HTT: variants seen among roughly 807,000 people sequenced by gnomAD.
HTT encodes the protein huntington disease protein.
Under a neutral mutation model 362.3 loss-of-function variants are expected in HTT, and 104 were observed. The observed-to-expected ratio is 0.29, with a 90% CI of 0.24 to 0.34. HTT has a LOEUF of 0.34. HTT is among the 10% of genes least tolerant of loss of function. HTT has a pLI of 1.00. For missense variants in HTT, 3,301 were observed against 3,928.6 expected (o/e 0.84, Z 4.27); for synonymous variants, 1,577 against 1,548.7 (o/e 1.02, Z -0.43).
chr4:3,133,407 G>T (rs912830347), intron 18 of HTT, among the ~76,000 whole-genome samples: 4 of 151,704 alleles, frequency 2.6e-5, no homozygotes, highest in South Asian at 2.1e-4. Flanking sequence ...GTGGAGGGGG[G>T]ATTGCTTGAG....
chr4:3,154,892 A>G (rs933712179), intron 27 of HTT, among the ~76,000 whole-genome samples: 7 of 152,208 alleles, frequency 4.6e-5, no homozygotes, highest in African/African-American at 1.4e-4. Context: ...GAGTTGGAGG[A>G]GCTTAAACCA....
chr4:3,089,393 A>G (rs1713385218), intron 2 of HTT, among the ~76,000 whole-genome samples: 1 of 152,146 alleles, frequency 6.6e-6, no homozygotes. Context: ...AGCTGGGACT[A>G]CAGGCACCCG....
At chr4:3,141,256 T>A (rs1314032072) in intron 22 of HTT, among the ~76,000 whole-genome samples, 1 of 152,190 alleles carries the variant, frequency 6.6e-6, no homozygotes, top group Non-Finnish European at 1.5e-5. Flanking sequence ...GCTTTTTAAT[T>A]TTGTCTTTTA....
chr4:3,173,562 G>A (rs1372221406), intron 31 of HTT, among the ~76,000 whole-genome samples: 1 of 152,230 alleles, frequency 6.6e-6, no homozygotes, highest in Admixed American at 6.5e-5. Flanking sequence ...CTTCATAGCA[G>A]CACAGTAGTG....
At chr4:3,086,041 G>A (rs1260113222) in intron 1 of HTT, among the ~76,000 whole-genome samples, 2 of 152,198 alleles carry the variant, frequency 1.3e-5, no homozygotes, top group Non-Finnish European at 2.9e-5. Context: ...GTCAGTTAAC[G>A]ATTTTGAGAA....
intron 29 of HTT, among the ~76,000 whole-genome samples, chr4:3,165,385 T>G (rs1312458568): frequency 6.6e-6 from 1 of 152,122 alleles, no homozygotes; most frequent in Non-Finnish European, 1.5e-5. Context: ...GATGATTATG[T>G]GTCTTGGGGT....
At chr4:3,115,222 A>G (rs1366673871) in intron 6 of HTT, 82 bp from the exon 7 acceptor site, 36 of 1,370,184 alleles carry the variant, frequency 2.6e-5, no homozygotes, top group Non-Finnish European at 3.5e-5. Flanking sequence ...GGAAACTTCT[A>G]ATTCACGTTA....
chr4:3,108,623 A>G (rs968930224), intron 6 of HTT, among the ~76,000 whole-genome samples: 3 of 152,130 alleles, frequency 2.0e-5, no homozygotes, highest in Non-Finnish European at 4.4e-5. Flanking sequence ...CATGATTTCG[A>G]TCACCATTTG....
At chr4:3,222,321 C>G in intron 53 of HTT, 66 bp from the exon 54 acceptor site, 1 of 1,379,050 alleles carries the variant, frequency 7.3e-7, no homozygotes, top group Non-Finnish European at 1.0e-6. Context: ...GTCGGCGTAG[C>G]TGTCAGCTCT....
chr4:3,155,717 T>TA (rs1717108036), intron 27 of HTT, among the ~76,000 whole-genome samples: 1 of 53,864 alleles, frequency 1.9e-5, no homozygotes, highest in Non-Finnish European at 3.6e-5. Context: ...CTGTCTCTAC[T>TA]AAAAATACCA....
chr4:3,197,461 C>A (rs373049307), intron 40 of HTT, among the ~76,000 whole-genome samples: 1 of 152,008 alleles, frequency 6.6e-6, no homozygotes, highest in Non-Finnish European at 1.5e-5. Flanking sequence ...CCCCAGGAAC[C>A]CTAACCTTAC....
rs1447492988 is a variant in HTT, at chr4:3,209,836, G to A, written c.6301G>A (p.Val2101Ile). The A allele has an allele frequency of 3.7e-6, 6 of 1,613,776 alleles. No homozygotes were observed. The highest frequency in any genetic ancestry group is 1.7e-4 in the Middle Eastern group (1 of 6,054). ...ATTTTTTTCTTCCCAGGACTGGTAC[G>A]TTCATCTTGTCAAATCCCAGTGTTG... Reference protein sequence around the residue: ...ETVSPDKDWYVHLVKSQCWTR... With the variant: ...ETVSPDKDWYIHLVKSQCWTR... Residue 2101 changes from valine to isoleucine, a missense_variant, in exon 47 of 67, where the codon GTT (valine) becomes ATT (isoleucine). Physicochemically the swap from Val to Ile is conservative, Grantham distance 29. Transcript: ENST00000355072.
intron 21 of HTT, among the ~76,000 whole-genome samples, chr4:3,139,232 C>G (rs61792515): frequency 0.067 from 10,187 of 152,234 alleles, 388 homozygotes; most frequent in African/African-American, 0.1. Flanking sequence ...GAGTCTCGCT[C>G]TGTCACTCAG....
At chr4:3,205,540 C>G (rs1719815071) in intron 42 of HTT, among the ~76,000 whole-genome samples, 1 of 152,016 alleles carries the variant, frequency 6.6e-6, no homozygotes, top group Admixed American at 6.5e-5. Context: ...AAAAAAGATA[C>G]TAATTTTATA....
chr4:3,196,210 CAG>C (rs1447265869), intron 40 of HTT, among the ~76,000 whole-genome samples: 1 of 152,170 alleles, frequency 6.6e-6, no homozygotes, highest in Non-Finnish European at 1.5e-5. Flanking sequence ...TTGCTCTCCG[CAG>C]AGAGAGTGAT....
At chr4:3,107,239 C>T in intron 5 of HTT, 46 bp from the exon 6 acceptor site, 1 of 1,596,638 alleles carries the variant, frequency 6.3e-7, no homozygotes, top group Non-Finnish European at 8.6e-7. Flanking sequence ...TCTGTTTCTC[C>T]TGAAGGAGAG....
intron 28 of HTT, among the ~76,000 whole-genome samples, chr4:3,158,359 T>G (rs1007442612): frequency 3.3e-5 from 5 of 152,250 alleles, no homozygotes; most frequent in Non-Finnish European, 2.9e-5. Context: ...TTTAGAATTT[T>G]CTGGATATTC....
At chr4:3,099,456 G>C in intron 3 of HTT, 62 bp downstream of exon 3, 1 of 1,601,004 alleles carries the variant, frequency 6.2e-7, no homozygotes, top group Non-Finnish European at 8.5e-7. Flanking sequence ...GAGAGAAGAA[G>C]CGATCATTGA....
At chr4:3,160,433 A>ATCAAGTGTGCCAGC in intron 29 of HTT, 41 bp downstream of exon 29, 1 of 1,311,670 alleles carries the variant, frequency 7.6e-7, no homozygotes, top group Non-Finnish European at 1.1e-6. Flanking sequence ...TGGCTGGCAC[A>ATCAAGTGTGCCAGC]CTTGATGTGC....
Sources: allele counts gnomAD v4.1 joint callset (sites outside exome capture counted in the v4.1 genomes callset), GRCh38; gene constraint gnomAD v4.1.1; transcripts MANE v1.5; gene names NCBI Gene and HGNC (gene_info 2026-07-23, HGNC 2026-07-21).